Variants in PPFIA2 observed in about 807,000 individuals in gnomAD.
PPFIA2 encodes PPFI scaffold protein A2.
In PPFIA2, 46 loss-of-function variants were observed where a neutral mutation model predicts 175.5. The ratio of observed to expected loss-of-function variants is 0.26; its 90% CI spans 0.21 to 0.34. PPFIA2 has a LOEUF of 0.34. Ranked by LOEUF, PPFIA2 falls within the 10% of genes least tolerant of loss-of-function variation. The probability of loss-of-function intolerance (pLI) is 1.00; values close to 1 mark genes in which losing one functional copy is unlikely to be tolerated. For synonymous variants in PPFIA2, 568 were observed against 511.4 expected (o/e 1.11, Z -1.49); for missense variants, 1,179 against 1,506.1 (o/e 0.78, Z 3.60).
At chr12:81,364,321 A>T (rs758445745) in intron 14 of PPFIA2, among the ~76,000 whole-genome samples, 16 of 151,756 alleles carry the variant, frequency 1.1e-4, no homozygotes, top group Non-Finnish European at 2.9e-5. Flanking sequence ...ACCACTTCAA[A>T]CTCTGGCTTT....
chr12:81,295,039 TTAGA>T lies in PPFIA2; in HGVS notation c.2725-8_2725-5del, dbSNP rs562981759. 4.2e-4 allele frequency: 685 copies of T among 1,612,296 alleles called. 7 individuals are homozygous for T. The African/African-American group carries it at 7.8e-3, about 18-fold the overall frequency. ...ACGCAGGCATTCCCAACCAAAGCTG[TTAGA>T]TAGGAAAAAATACACTAACAAATTA... On this transcript the variant is annotated splice_polypyrimidine_tract_variant and splice_region_variant and intron_variant, in intron 23 of 32. Transcript: ENST00000549396.
chr12:81,564,421 C>A (rs747617056), intron 4 of PPFIA2, among the ~76,000 whole-genome samples: 2 of 152,148 alleles, frequency 1.3e-5, no homozygotes, highest in Admixed American at 6.5e-5. Context: ...TGCTAGTGAC[C>A]TTTCTACCAA....
At chr12:81,567,100 G>A (rs1214120023) in intron 4 of PPFIA2, among the ~76,000 whole-genome samples, 2 of 152,206 alleles carry the variant, frequency 1.3e-5, no homozygotes, top group Non-Finnish European at 2.9e-5. Flanking sequence ...AGGCTAGAGT[G>A]CAGTGGCGCA....
At chr12:81,425,667 C>T (rs2047017967) in intron 7 of PPFIA2, among the ~76,000 whole-genome samples, 1 of 152,116 alleles carries the variant, frequency 6.6e-6, no homozygotes, top group South Asian at 2.1e-4. Context: ...AGCCACTGCA[C>T]CCAGCCCCTA....
At position 81,395,375 on chromosome 12, in the gene PPFIA2, C is replaced by T. The variant is rs2040930032; in HGVS notation, c.762+10412G>A. On this transcript the variant is annotated intron_variant, in intron 8 of 32. Coordinates refer to ENST00000549396, the MANE Select transcript of PPFIA2 (RefSeq NM_003625.5). ...ATGGTAAAACAGTATACAATAGAGG[C>T]AATAACTTCCCGAAGTTAATTTATT... Among the ~76,000 whole-genome samples the T allele has an allele frequency of 2.0e-5, 3 of 151,884 alleles. No homozygotes were observed. The South Asian group carries it at 6.2e-4, about 31-fold the overall frequency.
At chr12:81,303,050 G>C (rs2048257663) in intron 22 of PPFIA2, among the ~76,000 whole-genome samples, 2 of 152,084 alleles carry the variant, frequency 1.3e-5, no homozygotes, top group Admixed American at 1.3e-4. Flanking sequence ...AAACTGATTT[G>C]GCACAAAGAA....
At position 81,754,082 on chromosome 12, in the gene PPFIA2, T is replaced by C. The variant is rs2084263199; in HGVS notation, c.140A>G (p.Asp47Gly). The change falls in exon 3 of 33, where the codon GAC becomes GGC. Residue 47 changes from aspartate (D) to glycine (G), a missense_variant. Physicochemically the swap from Asp to Gly is moderately conservative, Grantham distance 94. Transcript: ENST00000549396. ...GCTTTCCTGGGTCTCCCGAAGGGTG[T>C]CTAGAAGACGATCCCTTTCATCTAG... ...NMLDERDRLL[D>G]TLRETQESLS... 5.6e-6 allele frequency: 9 copies of C among 1,613,860 alleles called. No individual in the cohort carries two copies. Among genetic ancestry groups the C allele is most frequent in the African/African-American group, 1.3e-5 (1 of 75,026 alleles).
At chr12:81,384,000 T>G in intron 9 of PPFIA2, 23 bp downstream of exon 9, 1 of 1,556,164 alleles carries the variant, frequency 6.4e-7, no homozygotes, top group Non-Finnish European at 8.9e-7. Context: ...AATCAAAGAC[T>G]GAAAGTGGCA....
At chr12:81,644,742 A>G (rs1448156588) in intron 4 of PPFIA2, among the ~76,000 whole-genome samples, 2 of 152,106 alleles carry the variant, frequency 1.3e-5, no homozygotes, top group African/African-American at 4.8e-5. Context: ...AAAAATTACA[A>G]CAGGAAGCAG....
chr12:81,714,367 A>T (rs956423348), intron 3 of PPFIA2, among the ~76,000 whole-genome samples: 4 of 151,012 alleles, frequency 2.6e-5, no homozygotes, highest in Non-Finnish European at 4.4e-5. Flanking sequence ...GATCTATTAC[A>T]AAGGTATGAA....
At chr12:81,551,063 C>T (rs181351576) in intron 4 of PPFIA2, among the ~76,000 whole-genome samples, 1 of 150,992 alleles carries the variant, frequency 6.6e-6, no homozygotes, top group Non-Finnish European at 1.5e-5. Context: ...GAGAAAGCAA[C>T]TTTATTGGCA....
At chr12:81,466,216 G>A (rs2055591022) in intron 4 of PPFIA2, among the ~76,000 whole-genome samples, 2 of 152,022 alleles carry the variant, frequency 1.3e-5, no homozygotes, top group African/African-American at 4.8e-5. Flanking sequence ...TATATTTTGT[G>A]CCCCCTTGAA....
chr12:81,587,752 C>T (rs1016070762), intron 4 of PPFIA2, among the ~76,000 whole-genome samples: 1 of 151,910 alleles, frequency 6.6e-6, no homozygotes, highest in Non-Finnish European at 1.5e-5. Flanking sequence ...CTCTAGAGAA[C>T]AGAATAATAT....
At chr12:81,348,121 CA>C (rs1395911861) in intron 17 of PPFIA2, among the ~76,000 whole-genome samples, 3 of 152,000 alleles carry the variant, frequency 2.0e-5, no homozygotes, top group African/African-American at 7.2e-5. Context: ...CCTCAGGAAC[CA>C]CTAAAAGAGA....
chr12:81,336,983 T>C (rs2057237669), intron 21 of PPFIA2, among the ~76,000 whole-genome samples: 1 of 152,114 alleles, frequency 6.6e-6, no homozygotes, highest in South Asian at 2.1e-4. Context: ...GCATGGTCTT[T>C]CCATGACAAC....
intron 8 of PPFIA2, among the ~76,000 whole-genome samples, chr12:81,397,990 G>A (rs2041455029): frequency 6.6e-6 from 1 of 151,848 alleles, no homozygotes; most frequent in South Asian, 2.1e-4. Flanking sequence ...AGGAAAACAA[G>A]CTCAGAGCTC....
At chr12:81,405,978 A>C (rs1260823643) in intron 7 of PPFIA2, 75 bp from the exon 8 acceptor site, 1 of 808,824 alleles carries the variant, frequency 1.2e-6, no homozygotes, top group African/African-American at 1.8e-5. Context: ...ATTTACTTCA[A>C]TGTGGTTAAG....
intron 8 of PPFIA2, among the ~76,000 whole-genome samples, chr12:81,401,940 A>G (rs1365626940): frequency 2.0e-5 from 3 of 152,104 alleles, no homozygotes; most frequent in East Asian, 3.9e-4. Flanking sequence ...AGTTAAGTGT[A>G]TTTTTTCTTT....
At chr12:81,304,387 A>G (rs2048627587) in intron 22 of PPFIA2, among the ~76,000 whole-genome samples, 1 of 152,214 alleles carries the variant, frequency 6.6e-6, no homozygotes. Flanking sequence ...CTCTGACCTC[A>G]AAGACCATAC....
Sources: gnomAD v4.1 joint callset for allele counts (sites outside exome capture counted in the v4.1 genomes callset) on GRCh38, gnomAD v4.1.1 for gene constraint, MANE v1.5 for transcripts, NCBI Gene and HGNC (gene_info 2026-07-23, HGNC 2026-07-21) for gene names.